BRAF: variants seen among roughly 807,000 people sequenced by gnomAD.
BRAF encodes the protein B-Raf proto-oncogene, serine/threonine kinase, also known as serine/threonine-protein kinase B-raf.
BRAF carries 16 observed loss-of-function variants against 104.6 expected under a neutral mutation model. The observed-to-expected ratio is 0.15, with a 90% CI of 0.10 to 0.23. BRAF has a LOEUF of 0.23. BRAF is among the 10% of genes least tolerant of loss of function. The pLI, the probability that BRAF is intolerant of heterozygous loss-of-function variation, is 1.00. For synonymous variants in BRAF, 310 were observed against 341.6 expected, an observed-to-expected ratio of 0.91 and a Z score of 1.02; for missense variants, 541 against 937.3, an observed-to-expected ratio of 0.58 and a Z score of 5.52.
At chr7:140,818,763 C>T (rs920458968) in intron 3 of BRAF, among the ~76,000 whole-genome samples, 2 of 152,162 alleles carry the variant, frequency 1.3e-5, no homozygotes, top group South Asian at 4.1e-4. Flanking sequence ...GTATGGTTTT[C>T]ATTTAGTGAT....
At chr7:140,890,211 A>T (rs1431225165) in intron 1 of BRAF, among the ~76,000 whole-genome samples, 5 of 152,254 alleles carry the variant, frequency 3.3e-5, no homozygotes, top group Non-Finnish European at 7.3e-5. Flanking sequence ...CACAAAGTAA[A>T]TAATAAACTG....
At chr7:140,731,740 C>G (rs1186518596) in intron 19 of BRAF, 1 of 152,182 alleles carries the variant, frequency 6.6e-6, no homozygotes, top group East Asian at 1.9e-4. Flanking sequence ...AATAAATAAA[C>G]TGGAAGCATC....
At chr7:140,853,192 A>T (rs1562996070) in intron 1 of BRAF, among the ~76,000 whole-genome samples, 1 of 151,440 alleles carries the variant, frequency 6.6e-6, no homozygotes. Flanking sequence ...GAGGATCGCA[A>T]CATAGTAGGA....
chr7:140,754,178 G>A lies in BRAF; in HGVS notation c.1861+9C>T, dbSNP rs780073231. The A allele has an allele frequency of 3.7e-6, 6 of 1,612,508 alleles. No individual in the cohort carries two copies. The highest frequency in any genetic ancestry group is 1.3e-5 in the African/African-American group (1 of 74,854). ...TTCAAACTTCGCAGACAAATTTCAG[G>A]AAGGATACTATTACTCTTGAGGTCT... On this transcript the variant is annotated intron_variant, in intron 15 of 19. Coordinates refer to ENST00000644969, the MANE Select transcript of BRAF (RefSeq NM_001374258.1).
rs368759742 is a variant in BRAF at position 140,723,619 on chromosome 7, C to T, written c.*2875G>A. On this transcript the variant is annotated 3_prime_UTR_variant, in exon 20 of 20. Coordinates refer to ENST00000644969, the MANE Select transcript of BRAF (RefSeq NM_001374258.1). ...CAAAAGTCTAGGTCCTTGACTCTAA[C>T]GATGAAAAAAGTCCATCAGGAATAC... 58 of 1,048,784 alleles carry T rather than the reference C, an allele frequency of 5.5e-5. 1 individual carries two copies. The highest frequency in any genetic ancestry group is 1.7e-4 in the East Asian group (3 of 18,102). 65.0% of individuals were successfully genotyped at this position (1,048,784 alleles called of 1,614,324 possible).
intron 3 of BRAF, among the ~76,000 whole-genome samples, chr7:140,825,611 A>G (rs976954686): frequency 1.3e-5 from 2 of 152,284 alleles, no homozygotes; most frequent in South Asian, 4.1e-4. Flanking sequence ...AATTCCTTCA[A>G]GTAGAACCTA....
At position 140,721,207 on chromosome 7, in the gene BRAF, T is replaced by C; in HGVS notation, c.*5287A>G. 9.3e-7 allele frequency: 1 copy of C among 1,078,092 alleles called. No homozygotes were observed. The highest frequency in any genetic ancestry group is 1.1e-6 in the Non-Finnish European group (1 of 887,726). 66.8% of individuals were successfully genotyped at this position (1,078,092 alleles called of 1,614,324 possible). Reference sequence around the variant, plus strand: ...CAACATTTTAATAAAGCTGATTTAGTAATTAATAAAACTTAACAGTTGAAG... The same window carrying C: ...CAACATTTTAATAAAGCTGATTTAGCAATTAATAAAACTTAACAGTTGAAG... On this transcript the variant is annotated 3_prime_UTR_variant, in exon 20 of 20. Coordinates refer to ENST00000644969, the MANE Select transcript of BRAF (RefSeq NM_001374258.1).
intron 1 of BRAF, among the ~76,000 whole-genome samples, chr7:140,883,047 TAAAG>T (rs1813130767): frequency 6.6e-6 from 1 of 151,030 alleles, no homozygotes; most frequent in Admixed American, 6.6e-5. Context: ...AATAAATAAA[TAAAG>T]GACCTATCTT....
chr7:140,727,749 C>G (rs1795690589), intron 19 of BRAF, among the ~76,000 whole-genome samples: 1 of 152,006 alleles, frequency 6.6e-6, no homozygotes, highest in Non-Finnish European at 1.5e-5. Context: ...TCCTCCCCAG[C>G]AGCTGGGACT....
chr7:140,763,915 G>C (rs189644141), intron 14 of BRAF, among the ~76,000 whole-genome samples: 203 of 152,228 alleles, frequency 1.3e-3, no homozygotes, highest in Middle Eastern at 3.4e-3. Flanking sequence ...CCAATCAATA[G>C]AAAAAGAGGG....
At chr7:140,734,262 T>C (rs1487045269) in intron 19 of BRAF, 6 of 1,221,752 alleles carry the variant, frequency 4.9e-6, no homozygotes, top group South Asian at 2.1e-5. Flanking sequence ...GGACATGTGA[T>C]AGCTGGCAAC....
chr7:140,883,856 C>T (rs952411159), intron 1 of BRAF, among the ~76,000 whole-genome samples: 1 of 152,174 alleles, frequency 6.6e-6, no homozygotes, highest in South Asian at 2.1e-4. Flanking sequence ...AATCATTACA[C>T]CACAGTAAGA....
chr7:140,903,788 T>A (rs1414572360), intron 1 of BRAF, among the ~76,000 whole-genome samples: 1 of 152,222 alleles, frequency 6.6e-6, no homozygotes, highest in Admixed American at 6.5e-5. Context: ...TGGAAGAAGT[T>A]GATTCTAACC....
chr7:140,800,939 G>A (rs770159324), intron 6 of BRAF: 22 of 242,254 alleles, frequency 9.1e-5, no homozygotes, highest in Admixed American at 1.0e-4. Flanking sequence ...AGAAATTTTA[G>A]AAAGAGATAT....
chr7:140,738,071 C>G (rs901394151), intron 18 of BRAF, among the ~76,000 whole-genome samples: 1 of 152,168 alleles, frequency 6.6e-6, no homozygotes, highest in Non-Finnish European at 1.5e-5. Context: ...AGCTGCTCAG[C>G]AGCACTTGTC....
At chr7:140,875,167 C>A (rs1417543938) in intron 1 of BRAF, among the ~76,000 whole-genome samples, 1 of 152,000 alleles carries the variant, frequency 6.6e-6, no homozygotes, top group Non-Finnish European at 1.5e-5. Context: ...GGGACAGTAA[C>A]AAAAAGATCT....
intron 1 of BRAF, among the ~76,000 whole-genome samples, chr7:140,876,833 G>C (rs1270021391): frequency 1.3e-5 from 2 of 151,922 alleles, no homozygotes; most frequent in African/African-American, 4.8e-5. Context: ...CTTAACAGCT[G>C]AATACATGTT....
intron 1 of BRAF, among the ~76,000 whole-genome samples, chr7:140,910,739 A>T (rs1239593667): frequency 6.6e-6 from 1 of 152,036 alleles, no homozygotes; most frequent in African/African-American, 2.4e-5. Flanking sequence ...CAGTGGTGTG[A>T]TCATAGCTCA....
chr7:140,743,783 G>A (rs1797127565), intron 17 of BRAF, among the ~76,000 whole-genome samples: 1 of 152,058 alleles, frequency 6.6e-6, no homozygotes, highest in South Asian at 2.1e-4. Context: ...GTCCCAGGGT[G>A]TAAAAACCTC....
Sources: gnomAD v4.1 joint callset for allele counts (sites outside exome capture counted in the v4.1 genomes callset) on GRCh38, gnomAD v4.1.1 for gene constraint, MANE v1.5 for transcripts, NCBI Gene and HGNC (gene_info 2026-07-23, HGNC 2026-07-21) for gene names.